The following ANO3 variants were observed in gnomAD, a reference collection of about 807,000 sequenced individuals.
The protein encoded by ANO3 is anoctamin-3.
Under a neutral mutation model 144.8 loss-of-function variants are expected in ANO3, and 99 were observed. That is an observed-to-expected ratio of 0.68 (90% CI 0.58 to 0.81). ANO3 has a LOEUF of 0.81. Ranked by LOEUF, ANO3 falls within the 30% of genes least tolerant of loss-of-function variation. The probability of loss-of-function intolerance (pLI) is 0.00; values close to 1 mark genes in which losing one functional copy is unlikely to be tolerated. For synonymous variants in ANO3, 414 were observed against 392.6 expected (o/e 1.05, Z -0.64); for missense variants, 905 against 1,202.2 (o/e 0.75, Z 3.66).
At chr11:26,462,405 C>T (rs958134396) in intron 3 of ANO3, among the ~76,000 whole-genome samples, 21 of 151,800 alleles carry the variant, frequency 1.4e-4, no homozygotes, top group Admixed American at 7.9e-4. Flanking sequence ...TTAATTACAG[C>T]TTATTCATTG....
Position 26,658,407 on chromosome 11 carries a change from AGTTC to A in ANO3, c.2764-1854_2764-1851del, listed in dbSNP as rs1853764047. Reference sequence around the variant, plus strand: ...GGCAGGTGGATCACCTGAGGTCAGGAGTTCAAGAGCAAAGAGCAACATGGAGAAA... The same window carrying A: ...GGCAGGTGGATCACCTGAGGTCAGGAAAGAGCAAAGAGCAACATGGAGAAA... On this transcript the variant is annotated intron_variant, in intron 26 of 26. Coordinates refer to ENST00000256737, the MANE Select transcript of ANO3 (RefSeq NM_031418.4). 6.5e-5 allele frequency among the ~76,000 whole-genome samples: 4 copies of A among 61,392 alleles called. 1 individual carries two copies. The East Asian group carries it at 2.0e-3, about 31-fold the overall frequency. 40.3% of individuals were successfully genotyped at this position (61,392 alleles called of 152,430 possible).
chr11:26,303,730 T>C (rs1274391015), intron 1 of ANO3, among the ~76,000 whole-genome samples: 1 of 152,170 alleles, frequency 6.6e-6, no homozygotes, highest in African/African-American at 2.4e-5. Context: ...TATTATTTTA[T>C]TTATTTTTAG....
In ANO3 at chr11:26,344,480, C is replaced by T. The variant is rs1012906231; in HGVS notation, c.46+12159C>T. ...TCCCGGGTTCACGTCATTCTCCTGC[C>T]TCAGCCTCCCGAGTAGCTGGGACTA... is the stretch of plus-strand genomic sequence containing the variant. On this transcript the variant is annotated intron_variant, in intron 1 of 26. Coordinates refer to ENST00000256737, the MANE Select transcript of ANO3 (RefSeq NM_031418.4). 2.0e-5 allele frequency among the ~76,000 whole-genome samples: 3 copies of T among 151,828 alleles called. No homozygotes were observed. In the East Asian group the frequency reaches 5.8e-4, roughly 29 times the overall value.
chr11:26,442,350 C>T (rs1295033220), intron 2 of ANO3, among the ~76,000 whole-genome samples: 1 of 152,152 alleles, frequency 6.6e-6, no homozygotes, highest in Admixed American at 6.5e-5. Flanking sequence ...CAGTGGAAGT[C>T]CCAGCTACAT....
chr11:26,500,072 G>A (rs570223544), intron 4 of ANO3, among the ~76,000 whole-genome samples: 2 of 151,388 alleles, frequency 1.3e-5, no homozygotes, highest in South Asian at 2.1e-4. Context: ...TTGTGTATGT[G>A]TGTGAGTGGG....
At chr11:26,565,311 A>C in intron 14 of ANO3, 1 of 1,610,758 alleles carries the variant, frequency 6.2e-7, no homozygotes, top group African/African-American at 1.3e-5. Flanking sequence ...TTCCACTATC[A>C]AGGGGGTCAC....
At chr11:26,535,535 T>C (rs1032341394) in intron 9 of ANO3, among the ~76,000 whole-genome samples, 1 of 149,958 alleles carries the variant, frequency 6.7e-6, no homozygotes, top group African/African-American at 2.4e-5. Context: ...AATTGAGTGC[T>C]ATATAGGTAA....
At chr11:26,649,755 C>G (rs1853466901) in intron 24 of ANO3, among the ~76,000 whole-genome samples, 1 of 151,234 alleles carries the variant, frequency 6.6e-6, no homozygotes, top group Non-Finnish European at 1.5e-5. Flanking sequence ...AATATATATT[C>G]ATAGCCCTTA....
intron 1 of ANO3, among the ~76,000 whole-genome samples, chr11:26,207,616 T>A: frequency 6.6e-6 from 1 of 151,956 alleles, no homozygotes; most frequent in East Asian, 1.9e-4. Flanking sequence ...GCACTCTAAT[T>A]AAAAAAAGAA....
chr11:26,657,184 G>A (rs1400025446), intron 26 of ANO3, among the ~76,000 whole-genome samples: 3 of 152,098 alleles, frequency 2.0e-5, no homozygotes, highest in Non-Finnish European at 4.4e-5. Flanking sequence ...CAGAGAAAAG[G>A]TAGCTATGAC....
chr11:26,541,159 G>T (rs1849632750), intron 10 of ANO3, among the ~76,000 whole-genome samples: 1 of 152,250 alleles, frequency 6.6e-6, no homozygotes, highest in South Asian at 2.1e-4. Flanking sequence ...CATGGATGAA[G>T]CTGGAAACCA....
At chr11:26,432,569 G>T (rs147132615) in intron 1 of ANO3, among the ~76,000 whole-genome samples, 2 of 152,076 alleles carry the variant, frequency 1.3e-5, no homozygotes, top group African/African-American at 4.8e-5. Context: ...ATCTTGAGTT[G>T]ATTTTTGTTT....
intron 1 of ANO3, among the ~76,000 whole-genome samples, chr11:26,219,314 G>T (rs550937392): frequency 6.6e-6 from 1 of 152,260 alleles, no homozygotes; most frequent in Non-Finnish European, 1.5e-5. Flanking sequence ...GTAAATATGA[G>T]TTAGAAACTT....
chr11:26,643,442 G>A, intron 23 of ANO3, 108 bp downstream of exon 23: 2 of 1,344,818 alleles, frequency 1.5e-6, no homozygotes, highest in Non-Finnish European at 2.0e-6. Flanking sequence ...CAGTGTCATA[G>A]TATTAAGAGG....
chr11:26,198,506 G>C (rs956317590), intron 1 of ANO3, among the ~76,000 whole-genome samples: 5 of 152,114 alleles, frequency 3.3e-5, no homozygotes, highest in African/African-American at 9.7e-5. Context: ...GTCCAAAGAA[G>C]ATAGAAACGG....
chr11:26,488,530 A>G (rs1366319173), intron 4 of ANO3, among the ~76,000 whole-genome samples: 1 of 152,150 alleles, frequency 6.6e-6, no homozygotes, highest in Non-Finnish European at 1.5e-5. Context: ...TCAGATGTTC[A>G]GATGCCTCCG....
chr11:26,333,566 GCCACTGTACCC>G (rs1353438877), intron 1 of ANO3, among the ~76,000 whole-genome samples: 1 of 152,136 alleles, frequency 6.6e-6, no homozygotes, highest in Non-Finnish European at 1.5e-5. Context: ...ACAGGTGTGA[GCCACTGTACCC>G]GGCCCTTGAC....
intron 4 of ANO3, among the ~76,000 whole-genome samples, chr11:26,469,593 ATGGCCTTTTTAAG>A (rs1341918805): frequency 6.6e-6 from 1 of 151,956 alleles, no homozygotes; most frequent in Non-Finnish European, 1.5e-5. Context: ...GAATAGAAAA[ATGGCCTTTTTAAG>A]TGGACTTTTA....
At chr11:26,273,359 G>T (rs1474865259) in intron 1 of ANO3, among the ~76,000 whole-genome samples, 1 of 151,762 alleles carries the variant, frequency 6.6e-6, no homozygotes, top group Non-Finnish European at 1.5e-5. Context: ...TGGATCAGGG[G>T]ATCATAAGGA....
Sources: allele counts gnomAD v4.1 joint callset (sites outside exome capture counted in the v4.1 genomes callset), GRCh38; gene constraint gnomAD v4.1.1; transcripts MANE v1.5; gene names NCBI Gene and HGNC (gene_info 2026-07-23, HGNC 2026-07-21).